Variants in MSRB3 observed in about 807,000 individuals in gnomAD.
The protein encoded by MSRB3 is methionine-R-sulfoxide reductase B3.
Under a neutral mutation model 21.0 loss-of-function variants are expected in MSRB3, and 13 were observed. The observed-to-expected ratio is 0.62, with a 90% CI of 0.40 to 0.98. The LOEUF is 0.98. Among genes scored for constraint, MSRB3 ranks in the 50% least tolerant of loss-of-function variants. The pLI is 0.00. For synonymous variants in MSRB3, 87 were observed against 88.6 expected (o/e 0.98, Z 0.10); for missense variants, 199 against 230.3 (o/e 0.86, Z 0.88).
intron 2 of MSRB3, among the ~76,000 whole-genome samples, chr12:65,321,421 G>A (rs1334341326): frequency 6.6e-6 from 1 of 152,108 alleles, no homozygotes; most frequent in Admixed American, 6.6e-5. Context: ...TGGATCAGTG[G>A]TCCTCAAAGT....
chr12:65,423,061 C>A (rs761745295), intron 5 of MSRB3, among the ~76,000 whole-genome samples: 1 of 148,356 alleles, frequency 6.7e-6, no homozygotes, highest in Non-Finnish European at 1.5e-5. Flanking sequence ...CACCTGGGTT[C>A]AAGTGATTCT....
chr12:65,368,030 T>C (rs1878111628), intron 4 of MSRB3, among the ~76,000 whole-genome samples: 1 of 152,186 alleles, frequency 6.6e-6, no homozygotes, highest in Non-Finnish European at 1.5e-5. Flanking sequence ...TGCTTATCCT[T>C]CCCTTTCCTC....
intron 1 of MSRB3, among the ~76,000 whole-genome samples, chr12:65,293,824 G>A (rs984326827): frequency 2.0e-5 from 3 of 152,178 alleles, no homozygotes; most frequent in African/African-American, 7.2e-5. Context: ...TGCAGCATGG[G>A]CATGCCCATT....
At chr12:65,445,424 G>A (rs937446996) in intron 5 of MSRB3, among the ~76,000 whole-genome samples, 1 of 149,072 alleles carries the variant, frequency 6.7e-6, no homozygotes, top group Non-Finnish European at 1.5e-5. Context: ...ATTTTATCTA[G>A]AATGCCCCTG....
At chr12:65,413,910 G>A (rs913779955) in intron 5 of MSRB3, among the ~76,000 whole-genome samples, 1 of 152,250 alleles carries the variant, frequency 6.6e-6, no homozygotes, top group East Asian at 1.9e-4. Flanking sequence ...CAGAAGAAAG[G>A]GAAGCTGACA....
At chr12:65,308,853 C>T (rs1380551707) in intron 2 of MSRB3, 198 bp downstream of exon 2, 1 of 698,634 alleles carries the variant, frequency 1.4e-6, no homozygotes, top group African/African-American at 1.8e-5. Context: ...ACCCTTGGAA[C>T]ATTGTCCAGT....
intron 4 of MSRB3, among the ~76,000 whole-genome samples, chr12:65,342,309 C>T (rs1876197571): frequency 6.6e-6 from 1 of 151,000 alleles, no homozygotes; most frequent in African/African-American, 2.4e-5. Context: ...GAAAGACAAA[C>T]CTCAGAAAAA....
intron 5 of MSRB3, among the ~76,000 whole-genome samples, chr12:65,371,189 G>A (rs866608107): frequency 2.0e-5 from 3 of 152,124 alleles, no homozygotes; most frequent in Non-Finnish European, 2.9e-5. Flanking sequence ...TTAGCTGGGC[G>A]TGGTGGCACA....
At chr12:65,357,742 C>A (rs1181022949) in intron 4 of MSRB3, among the ~76,000 whole-genome samples, 1 of 151,714 alleles carries the variant, frequency 6.6e-6, no homozygotes, top group Non-Finnish European at 1.5e-5. Flanking sequence ...GCTCCTCTGC[C>A]GGAATTTGTC....
chr12:65,394,106 A>G (rs977613429), intron 5 of MSRB3, among the ~76,000 whole-genome samples: 2 of 152,176 alleles, frequency 1.3e-5, no homozygotes, highest in Non-Finnish European at 2.9e-5. Context: ...TTTATATAAA[A>G]CATGTTTGTA....
chr12:65,289,981 T>G (rs139637579), intron 1 of MSRB3, among the ~76,000 whole-genome samples: 1 of 152,350 alleles, frequency 6.6e-6, no homozygotes, highest in East Asian at 1.9e-4. Flanking sequence ...CTCATCTTTC[T>G]AAAACTTAGC....
At chr12:65,394,821 G>A (rs1402896684) in intron 5 of MSRB3, among the ~76,000 whole-genome samples, 2 of 152,186 alleles carry the variant, frequency 1.3e-5, no homozygotes, top group African/African-American at 4.8e-5. Context: ...GAATAAAGGT[G>A]ATTGTATCAG....
chr12:65,313,710 C>T (rs1874125990), intron 2 of MSRB3, among the ~76,000 whole-genome samples: 1 of 152,046 alleles, frequency 6.6e-6, no homozygotes, highest in Non-Finnish European at 1.5e-5. Flanking sequence ...GATTAATGCC[C>T]TCAGTTCTCC....
intron 6 of MSRB3, among the ~76,000 whole-genome samples, chr12:65,458,719 A>T (rs886341149): frequency 6.6e-6 from 1 of 152,202 alleles, no homozygotes; most frequent in Non-Finnish European, 1.5e-5. Context: ...TCTCTTCCAA[A>T]GAGGATCTTC....
intron 5 of MSRB3, among the ~76,000 whole-genome samples, chr12:65,427,597 A>C (rs1881665965): frequency 6.6e-6 from 1 of 152,186 alleles, no homozygotes; most frequent in Non-Finnish European, 1.5e-5. Flanking sequence ...TGGAGCAGCC[A>C]TGGAGCTGAG....
chr12:65,364,268 A>T (rs1877877710), intron 4 of MSRB3, among the ~76,000 whole-genome samples: 1 of 152,164 alleles, frequency 6.6e-6, no homozygotes, highest in African/African-American at 2.4e-5. Context: ...ACAACTAGCA[A>T]CAAGGCAGTT....
At chr12:65,368,728 C>T (rs1466270299) in intron 4 of MSRB3, among the ~76,000 whole-genome samples, 5 of 152,098 alleles carry the variant, frequency 3.3e-5, no homozygotes, top group Middle Eastern at 3.4e-3. Context: ...TTTAAAAAAC[C>T]GTATTGTATC....
intron 5 of MSRB3, among the ~76,000 whole-genome samples, chr12:65,442,353 A>T (rs1311019406): frequency 6.6e-6 from 1 of 152,074 alleles, no homozygotes; most frequent in Admixed American, 6.6e-5. Flanking sequence ...CAACCAAAAA[A>T]TGTAAGTAAT....
chr12:65,347,240 T>A (rs1190650459), intron 4 of MSRB3, among the ~76,000 whole-genome samples: 1 of 152,198 alleles, frequency 6.6e-6, no homozygotes, highest in Non-Finnish European at 1.5e-5. Context: ...TTCCATTTGT[T>A]TGTATCCTCT....
Sources: gnomAD v4.1 joint callset for allele counts (sites outside exome capture counted in the v4.1 genomes callset) on GRCh38, gnomAD v4.1.1 for gene constraint, MANE v1.5 for transcripts, NCBI Gene and HGNC (gene_info 2026-07-23, HGNC 2026-07-21) for gene names.